Variants in BBOF1 observed in about 807,000 individuals in gnomAD.
BBOF1 encodes basal body-orientation factor 1.
BBOF1 carries 62 observed loss-of-function variants against 68.0 expected under a neutral mutation model. That is an observed-to-expected ratio of 0.91 (90% CI 0.74 to 1.13). BBOF1 has a LOEUF of 1.13. BBOF1 is among the 50% of genes most tolerant of loss of function. The probability of loss-of-function intolerance (pLI) is 0.00; values close to 1 mark genes in which losing one functional copy is unlikely to be tolerated. For missense variants in BBOF1, 534 were observed against 600.1 expected (o/e 0.89, Z 1.15); for synonymous variants, 208 against 198.8 (o/e 1.05, Z -0.39).
At chr14:74,031,140 G>T (rs112284197) in intron 3 of BBOF1, among the ~76,000 whole-genome samples, 1 of 149,648 alleles carries the variant, frequency 6.7e-6, no homozygotes, top group South Asian at 2.1e-4. Context: ...TTGAGACAGG[G>T]TCTCCCTCTG....
chr14:74,046,137 G>C lies in BBOF1; in HGVS notation c.647+7G>C, dbSNP rs1204921418. 2 of 1,597,482 alleles carry C rather than the reference G, an allele frequency of 1.3e-6. No individual in the cohort carries two copies. Among genetic ancestry groups the C allele is most frequent in the Non-Finnish European group, 1.7e-6 (2 of 1,172,484 alleles). ...CCCACCATGAGGCTATTGTGTAAGA[G>C]ACTGCTGCCTACTTTCTGACTCTGA... is the stretch of plus-strand genomic sequence containing the variant. On this transcript the variant is annotated splice_region_variant and intron_variant, in intron 6 of 11. Transcript: ENST00000394009.
chr14:74,023,801 A>G (rs2059358154), intron 2 of BBOF1, among the ~76,000 whole-genome samples: 1 of 151,976 alleles, frequency 6.6e-6, no homozygotes, highest in Non-Finnish European at 1.5e-5. Context: ...CTATAGTCCC[A>G]GCTACTCGGG....
At chr14:74,028,831 C>T (rs138582449) in intron 2 of BBOF1, among the ~76,000 whole-genome samples, 3,421 of 152,134 alleles carry the variant, frequency 0.022, 61 homozygotes, top group Non-Finnish European at 0.031. Context: ...GCCTCAGCCT[C>T]CTGAGTAGCT....
chr14:74,033,599 A>C (rs1170010197), intron 3 of BBOF1, among the ~76,000 whole-genome samples: 2 of 143,546 alleles, frequency 1.4e-5, no homozygotes, highest in Non-Finnish European at 3.1e-5. Flanking sequence ...AATAAAGGCC[A>C]GGTGCGGTGG....
At chr14:74,043,506 C>T (rs905496902) in intron 5 of BBOF1, among the ~76,000 whole-genome samples, 5 of 133,176 alleles carry the variant, frequency 3.8e-5, no homozygotes, top group Admixed American at 2.4e-4. Flanking sequence ...GCCGAGATTG[C>T]GCCACTGCAG....
intron 2 of BBOF1, among the ~76,000 whole-genome samples, chr14:74,026,852 G>A (rs1209383186): frequency 6.6e-6 from 1 of 151,768 alleles, no homozygotes; most frequent in Non-Finnish European, 1.5e-5. Context: ...TTGAACCCAG[G>A]AGGTGGAGGT....
intron 3 of BBOF1, among the ~76,000 whole-genome samples, chr14:74,031,473 G>T (rs1244199970): frequency 6.6e-6 from 1 of 152,026 alleles, no homozygotes; most frequent in African/African-American, 2.4e-5. Context: ...TTATTCAAAT[G>T]GTCCCTGTCT....
chr14:74,057,624 G>A, intron 11 of BBOF1: 1 of 1,336,306 alleles, frequency 7.5e-7, no homozygotes, highest in Non-Finnish European at 9.8e-7. Flanking sequence ...GAGGACAAAG[G>A]CTTATAAGGA....
chr14:74,072,614 G>GAAAAA, intron 9 of BBOF1: 1 of 1,581,340 alleles, frequency 6.3e-7, no homozygotes, highest in Non-Finnish European at 8.6e-7. Flanking sequence ...ACAGTTGGCT[G>GAAAAA]AAAAAAACAA....
chr14:74,080,825 T>G (rs146039174), intron 10 of BBOF1, among the ~76,000 whole-genome samples: 1 of 152,348 alleles, frequency 6.6e-6, no homozygotes, highest in Non-Finnish European at 1.5e-5. Context: ...ATTATTCCCT[T>G]GTTTAAAATT....
intron 4 of BBOF1, among the ~76,000 whole-genome samples, chr14:74,036,229 G>A (rs1464820084): frequency 1.3e-5 from 2 of 151,906 alleles, no homozygotes; most frequent in Non-Finnish European, 2.9e-5. Context: ...CTAATTTTTT[G>A]TATTTTTAGT....
intron 3 of BBOF1, among the ~76,000 whole-genome samples, chr14:74,029,620 T>G (rs1219619698): frequency 6.6e-6 from 1 of 150,898 alleles, no homozygotes; most frequent in Non-Finnish European, 1.5e-5. Context: ...AGGCAGAAGT[T>G]GCAGTGAGCC....
At chr14:74,081,027 TG>T (rs2060663393) in intron 10 of BBOF1, 1 of 152,320 alleles carries the variant, frequency 6.6e-6, no homozygotes, top group Admixed American at 6.5e-5. Context: ...TGCCTGGCAC[TG>T]TTTCATCTAA....
intron 4 of BBOF1, among the ~76,000 whole-genome samples, chr14:74,036,519 C>T (rs1214109265): frequency 2.0e-5 from 3 of 151,920 alleles, no homozygotes; most frequent in Non-Finnish European, 4.4e-5. Context: ...CCTGTCTCTA[C>T]TAAAAAATCC....
chr14:74,061,103 G>C (rs954803352), intron 11 of BBOF1, among the ~76,000 whole-genome samples: 3 of 151,422 alleles, frequency 2.0e-5, no homozygotes, highest in African/African-American at 7.3e-5. Context: ...TCAGCCTCTC[G>C]AGTAGCTGGG....
intron 9 of BBOF1, chr14:74,072,517 C>T (rs1566833976): frequency 6.2e-7 from 1 of 1,614,134 alleles, no homozygotes; most frequent in Non-Finnish European, 8.5e-7. Context: ...AAGTTGAAGT[C>T]CCAAAGCAGC....
In BBOF1 at chr14:74,064,681, T is replaced by C. The variant is rs956097069; in HGVS notation, c.1579-7T>C. ...CAAAATTTTGTTAACTTTTAAATCT[T>C]TTTTAGGGAACCTTCTGAGAAGCAC... On this transcript the variant is annotated splice_region_variant and splice_polypyrimidine_tract_variant and intron_variant, in intron 11 of 11. Transcript: ENST00000394009. 3.1e-6 allele frequency: 5 copies of C among 1,614,104 alleles called. No homozygotes were observed. Among genetic ancestry groups the C allele is most frequent in the Non-Finnish European group, 4.2e-6 (5 of 1,179,968 alleles).
At chr14:74,046,020 TA>T (rs767069719) in intron 5 of BBOF1, 39 bp from the exon 6 acceptor site, 6 of 1,539,972 alleles carry the variant, frequency 3.9e-6, no homozygotes, top group African/African-American at 1.4e-5. Flanking sequence ...AATTTGTTGT[TA>T]GGGGCATAAT....
At chr14:74,068,599 C>T (rs1391426102), downstream of BBOF1, among the ~76,000 whole-genome samples, 4 of 151,544 alleles carry the variant, frequency 2.6e-5, no homozygotes, top group South Asian at 2.1e-4. Context: ...AAAAATTAGC[C>T]GGGCGCTGTG....
Sources: allele counts gnomAD v4.1 joint callset (sites outside exome capture counted in the v4.1 genomes callset), GRCh38; gene constraint gnomAD v4.1.1; transcripts MANE v1.5; gene names NCBI Gene and HGNC (gene_info 2026-07-23, HGNC 2026-07-21).